Variants in EEF1AKMT1 observed in about 807,000 individuals in gnomAD.
EEF1AKMT1 encodes EEF1A lysine methyltransferase 1.
A neutral mutation model predicts 21.0 loss-of-function variants in EEF1AKMT1; 18 were observed. That is an observed-to-expected ratio of 0.86 (90% confidence interval 0.59 to 1.27). EEF1AKMT1 has a LOEUF of 1.27. Among genes scored for constraint, EEF1AKMT1 ranks in the 50% most tolerant of loss-of-function variants. The pLI is 0.00. For synonymous variants in EEF1AKMT1, 109 were observed against 94.8 expected, an observed-to-expected ratio of 1.15 and a Z score of -0.87; for missense variants, 246 against 258.6, an observed-to-expected ratio of 0.95 and a Z score of 0.33.
At chr13:20,762,479 G>C (rs1218345095) in intron 1 of EEF1AKMT1, among the ~76,000 whole-genome samples, 1 of 151,204 alleles carries the variant, frequency 6.6e-6, no homozygotes, top group South Asian at 2.1e-4. Flanking sequence ...ATGAACCATC[G>C]TGCCTGGCCA....
chr13:20,767,538 A>G (rs1245239977), intron 1 of EEF1AKMT1, among the ~76,000 whole-genome samples: 1 of 152,094 alleles, frequency 6.6e-6, no homozygotes, highest in African/African-American at 2.4e-5. Flanking sequence ...TTGTTTCCAC[A>G]CATAAAATCT....
chr13:20,729,257 C>T (rs375370632), intron 4 of EEF1AKMT1, 41 bp from the exon 5 acceptor site: 44 of 1,612,402 alleles, frequency 2.7e-5, no homozygotes, highest in Non-Finnish European at 3.7e-5. Flanking sequence ...AGTGACAACC[C>T]AGCCGGAGCT....
chr13:20,765,582 T>A (rs2059026471), intron 1 of EEF1AKMT1, among the ~76,000 whole-genome samples: 1 of 151,840 alleles, frequency 6.6e-6, no homozygotes, highest in Admixed American at 6.6e-5. Flanking sequence ...CTGGCTATTT[T>A]TTGTATCTTT....
chr13:20,729,050 T>G lies in EEF1AKMT1; in HGVS notation c.*30A>C. The G allele has an allele frequency of 1.2e-6, 2 of 1,613,006 alleles. No individual in the cohort carries two copies. Among genetic ancestry groups the G allele is most frequent in the Non-Finnish European group, 1.7e-6 (2 of 1,179,052 alleles). ...ATACAAAAAGAGGAATGTGACAGGGTTCCTTCCTGTGTTATGTCACCGTCT... is the reference window on the plus strand; with the variant it reads ...ATACAAAAAGAGGAATGTGACAGGGGTCCTTCCTGTGTTATGTCACCGTCT... On this transcript the variant is annotated 3_prime_UTR_variant, in exon 5 of 5. Coordinates refer to ENST00000382758, the MANE Select transcript of EEF1AKMT1 (RefSeq NM_001318939.2).
rs1359918079 is a variant in EEF1AKMT1 at position 20,729,077 on chromosome 13, T to C, written c.*3A>G. On this transcript the variant is annotated 3_prime_UTR_variant, in exon 5 of 5. Coordinates refer to ENST00000382758, the MANE Select transcript of EEF1AKMT1 (RefSeq NM_001318939.2). The stretch of plus-strand genomic sequence containing the variant: ...CCTTCCTGTGTTATGTCACCGTCTG[T>C]AATCAGATCCCACAGTCCAGCCCAG... 13 of 1,614,198 alleles carry C rather than the reference T, an allele frequency of 8.1e-6. No homozygotes were observed. The highest frequency in any genetic ancestry group is 1.1e-5 in the South Asian group (1 of 91,088).
At chr13:20,731,445 C>T (rs1258479577) in intron 4 of EEF1AKMT1, among the ~76,000 whole-genome samples, 1 of 152,212 alleles carries the variant, frequency 6.6e-6, no homozygotes, top group East Asian at 1.9e-4. Flanking sequence ...AGTAAGAAAA[C>T]TCTTCTACAT....
chr13:20,745,398 C>G (rs2818978), intron 2 of EEF1AKMT1, among the ~76,000 whole-genome samples: 34,408 of 152,032 alleles, frequency 0.23, 5,511 homozygotes, highest in East Asian at 0.75. Context: ...GGGTCCTTCA[C>G]GTCCCTTGTA....
chr13:20,753,855 G>GT (rs1247553701), intron 2 of EEF1AKMT1, among the ~76,000 whole-genome samples: 8 of 151,064 alleles, frequency 5.3e-5, no homozygotes, highest in South Asian at 2.1e-4. Context: ...GGTGGATCAG[G>GT]TTTTTTTTTC....
chr13:20,760,066 C>CTT, intron 1 of EEF1AKMT1, among the ~76,000 whole-genome samples: 1 of 139,856 alleles, frequency 7.2e-6, no homozygotes, highest in Admixed American at 7.6e-5. Flanking sequence ...GATTGCGCCA[C>CTT]TGCACCCCAG....
At chr13:20,736,538 CAAG>C (rs1289209224) in intron 3 of EEF1AKMT1, among the ~76,000 whole-genome samples, 5 of 151,736 alleles carry the variant, frequency 3.3e-5, no homozygotes, top group Admixed American at 3.3e-4. Context: ...AGGGCGATAC[CAAG>C]AAAAGAGGTG....
chr13:20,742,600 G>A (rs2058878071), intron 2 of EEF1AKMT1, among the ~76,000 whole-genome samples: 1 of 152,210 alleles, frequency 6.6e-6, no homozygotes, highest in African/African-American at 2.4e-5. Context: ...AGTGCCTGCT[G>A]ATACTTTACC....
At chr13:20,762,175 CTTTTT>C (rs57340074) in intron 1 of EEF1AKMT1, among the ~76,000 whole-genome samples, 8 of 131,328 alleles carry the variant, frequency 6.1e-5, no homozygotes, top group Admixed American at 2.3e-4. Context: ...TTTCATCAGT[CTTTTT>C]TTTTTTTTTT....
At chr13:20,732,852 C>T (rs1171708704) in intron 3 of EEF1AKMT1, among the ~76,000 whole-genome samples, 1 of 151,526 alleles carries the variant, frequency 6.6e-6, no homozygotes. Context: ...AAAGATAAAC[C>T]CAAATAACTC....
At chr13:20,733,371 G>A (rs911991656) in intron 3 of EEF1AKMT1, among the ~76,000 whole-genome samples, 3 of 152,116 alleles carry the variant, frequency 2.0e-5, no homozygotes, top group Admixed American at 1.3e-4. Context: ...TGAGATTACA[G>A]GTGTGAGCCA....
At chr13:20,739,242 T>G (rs2058852991) in intron 2 of EEF1AKMT1, among the ~76,000 whole-genome samples, 1 of 152,152 alleles carries the variant, frequency 6.6e-6, no homozygotes, top group Non-Finnish European at 1.5e-5. Context: ...ACGGTGAGTG[T>G]TACAGCTCAT....
intron 2 of EEF1AKMT1, among the ~76,000 whole-genome samples, chr13:20,755,192 C>T (rs1329132434): frequency 6.6e-6 from 1 of 152,212 alleles, no homozygotes; most frequent in Non-Finnish European, 1.5e-5. Flanking sequence ...CTGCCAATGG[C>T]TCACACTTCA....
intron 2 of EEF1AKMT1, among the ~76,000 whole-genome samples, chr13:20,744,233 C>T (rs1486620771): frequency 6.6e-6 from 1 of 152,092 alleles, no homozygotes; most frequent in East Asian, 1.9e-4. Context: ...TGGTATTTCT[C>T]GTTCTAGAGC....
chr13:20,753,763 G>A (rs913710422), intron 2 of EEF1AKMT1, among the ~76,000 whole-genome samples: 3 of 152,080 alleles, frequency 2.0e-5, no homozygotes, highest in Non-Finnish European at 4.4e-5. Context: ...CCTTGTGCAT[G>A]GAATATCTTT....
chr13:20,738,965 T>G (rs1206445467), intron 2 of EEF1AKMT1, among the ~76,000 whole-genome samples: 1 of 152,242 alleles, frequency 6.6e-6, no homozygotes. Flanking sequence ...AATGAAGCTG[T>G]GGACCCTCAC....
Sources: gnomAD v4.1 joint callset for allele counts (sites outside exome capture counted in the v4.1 genomes callset) on GRCh38, gnomAD v4.1.1 for gene constraint, MANE v1.5 for transcripts, NCBI Gene and HGNC (gene_info 2026-07-23, HGNC 2026-07-21) for gene names.